Variants in PPFIA1 observed in about 807,000 individuals in gnomAD.
PPFIA1 encodes PPFI scaffold protein A1, also known as liprin-alpha-1.
Under a neutral mutation model 149.9 loss-of-function variants are expected in PPFIA1, and 25 were observed. That is an observed-to-expected ratio of 0.17 (90% CI 0.12 to 0.23). The LOEUF (loss-of-function observed/expected upper bound fraction) is 0.23. Ranked by LOEUF, PPFIA1 falls within the 10% of genes least tolerant of loss-of-function variation. The probability of loss-of-function intolerance (pLI) is 1.00; values close to 1 mark genes in which losing one functional copy is unlikely to be tolerated. For synonymous variants in PPFIA1, 549 were observed against 552.8 expected (o/e 0.99, Z 0.10); for missense variants, 1,362 against 1,506.5 (o/e 0.90, Z 1.59).
At chr11:70,275,572 A>G (rs1297324157) in intron 2 of PPFIA1, among the ~76,000 whole-genome samples, 2 of 152,020 alleles carry the variant, frequency 1.3e-5, no homozygotes, top group Non-Finnish European at 2.9e-5. Flanking sequence ...TCTGAAATTG[A>G]CTTTGTTTAT....
At position 70,355,692 on chromosome 11, in the gene PPFIA1, G is replaced by T; in HGVS notation, c.2369G>T (p.Ser790Ile). ...AGCAACCCCAGCAGTAGCAACAGTA[G>T]CCAGGACTCGCTCCACAAAGCCCCA... The part of the protein sequence containing the change: ...PVSNPSSSNS[S>I]QDSLHKAPKK... Residue 790 changes from serine to isoleucine, a missense_variant, in exon 18 of 28, where the codon AGC becomes ATC. This residue lies in a region of PPFIA1 where 733 missense variants were observed against 744.1 expected (regional missense o/e 0.99). Coordinates refer to ENST00000253925, the MANE Select transcript of PPFIA1 (RefSeq NM_003626.5). The T allele has an allele frequency of 6.2e-7, 1 of 1,614,058 alleles. No homozygotes were observed. Among genetic ancestry groups the T allele is most frequent in the Non-Finnish European group, 8.5e-7 (1 of 1,179,988 alleles).
At chr11:70,344,327 G>A (rs945855985) in intron 15 of PPFIA1, among the ~76,000 whole-genome samples, 2 of 152,192 alleles carry the variant, frequency 1.3e-5, no homozygotes, top group Admixed American at 1.3e-4. Flanking sequence ...TGGTGGGCTG[G>A]GAAGAGATGA....
chr11:70,350,337 C>T (rs938020392), intron 16 of PPFIA1, among the ~76,000 whole-genome samples: 1 of 143,880 alleles, frequency 7.0e-6, no homozygotes, highest in African/African-American at 2.5e-5. Flanking sequence ...TGATTGTGTT[C>T]AAGACTGTAA....
At chr11:70,308,794 A>C (rs529196243) in intron 2 of PPFIA1, among the ~76,000 whole-genome samples, 1 of 152,168 alleles carries the variant, frequency 6.6e-6, no homozygotes, top group African/African-American at 2.4e-5. Flanking sequence ...AAAAAACCCA[A>C]CTTGAACATT....
At position 70,326,701 on chromosome 11, in the gene PPFIA1, A is replaced by C. The variant is rs2054311216; in HGVS notation, c.813A>C (p.Glu271Asp). ...CAAGGGAACAGAGCCAAATGAAAGA[A>C]CGCCTGGCTTCCCTTTCCAGTCATG... is the stretch of plus-strand genomic sequence containing the variant. ...KQSREQSQMKERLASLSSHVT... is the reference protein window; with the variant it reads ...KQSREQSQMKDRLASLSSHVT... Residue 271 changes from glutamate (E) to aspartate (D), a missense_variant, in exon 7 of 28, where the codon GAA becomes GAC. This residue lies in a region of PPFIA1 where 733 missense variants were observed against 744.1 expected (regional missense o/e 0.99). Coordinates refer to ENST00000253925, the MANE Select transcript of PPFIA1 (RefSeq NM_003626.5). 1 of 1,614,148 alleles carries C rather than the reference A, an allele frequency of 6.2e-7. No homozygotes were observed. Among genetic ancestry groups the C allele is most frequent in the Non-Finnish European group, 8.5e-7 (1 of 1,179,972 alleles).
intron 21 of PPFIA1, among the ~76,000 whole-genome samples, chr11:70,370,452 T>A (rs1282716024): frequency 6.6e-6 from 1 of 151,818 alleles, no homozygotes; most frequent in East Asian, 2.0e-4. Context: ...AGTGGCATGA[T>A]CTTGGCTCAC....
intron 6 of PPFIA1, 56 bp downstream of exon 6, chr11:70,326,419 G>A (rs2054291343): frequency 6.8e-7 from 1 of 1,469,362 alleles, no homozygotes; most frequent in African/African-American, 1.4e-5. Context: ...CACAGTATGT[G>A]TCGGGTTATG....
chr11:70,364,500 C>G (rs1412554589), intron 21 of PPFIA1: 1 of 152,202 alleles, frequency 6.6e-6, no homozygotes, highest in Non-Finnish European at 1.5e-5. Flanking sequence ...ACACATTTCT[C>G]CAAGGAGCAC....
At chr11:70,290,004 G>A (rs1385582370) in intron 2 of PPFIA1, among the ~76,000 whole-genome samples, 3 of 152,168 alleles carry the variant, frequency 2.0e-5, no homozygotes, top group Non-Finnish European at 2.9e-5. Flanking sequence ...TGAGGCAGGT[G>A]CATCACTTGA....
intron 9 of PPFIA1, chr11:70,332,992 T>A (rs981823619): frequency 4.4e-5 from 20 of 454,330 alleles, no homozygotes; most frequent in Non-Finnish European, 7.5e-5. Context: ...TCTCCCCTGT[T>A]ATCTTTCCTG....
chr11:70,368,060 C>T (rs138487244), intron 21 of PPFIA1, among the ~76,000 whole-genome samples: 1 of 152,108 alleles, frequency 6.6e-6, no homozygotes, highest in East Asian at 1.9e-4. Context: ...ATCGCTTGAG[C>T]CCGGAAAGTG....
intron 2 of PPFIA1, among the ~76,000 whole-genome samples, chr11:70,312,171 TA>T (rs2053327531): frequency 1.3e-5 from 2 of 151,860 alleles, no homozygotes; most frequent in African/African-American, 2.4e-5. Context: ...TGTCTTTTTT[TA>T]TTTGTTTTGA....
At chr11:70,330,377 C>A in intron 8 of PPFIA1, 58 bp downstream of exon 8, 5 of 1,398,776 alleles carry the variant, frequency 3.6e-6, no homozygotes, top group South Asian at 2.9e-5. Context: ...AAGTTAAAGA[C>A]CCTTTTTCTC....
intron 16 of PPFIA1, among the ~76,000 whole-genome samples, chr11:70,348,853 AGAGT>A (rs1565430725): frequency 6.6e-6 from 1 of 152,198 alleles, no homozygotes; most frequent in Non-Finnish European, 1.5e-5. Context: ...CCTGGGCAGC[AGAGT>A]GAGACCCTGT....
At chr11:70,341,444 C>G (rs747843148) in intron 14 of PPFIA1, among the ~76,000 whole-genome samples, 1 of 152,088 alleles carries the variant, frequency 6.6e-6, no homozygotes, top group Non-Finnish European at 1.5e-5. Context: ...TGGGCTTGAA[C>G]AGCCGGAAGG....
intron 2 of PPFIA1, among the ~76,000 whole-genome samples, chr11:70,274,893 A>AT (rs762120369): frequency 1.3e-5 from 2 of 151,730 alleles, no homozygotes; most frequent in Non-Finnish European, 2.9e-5. Context: ...TAATTTTTGT[A>AT]TTTTTTGTAG....
At chr11:70,305,232 A>G (rs908116538) in intron 2 of PPFIA1, among the ~76,000 whole-genome samples, 15 of 152,186 alleles carry the variant, frequency 9.9e-5, no homozygotes, top group African/African-American at 3.6e-4. Context: ...AAAAGGGGAG[A>G]AAACATAGGT....
At chr11:70,356,038 T>TCAGAAACTTAGC in intron 18 of PPFIA1, 123 bp from the exon 19 acceptor site, 1 of 1,040,916 alleles carries the variant, frequency 9.6e-7, no homozygotes, top group Non-Finnish European at 1.5e-6. Flanking sequence ...GGTTGTCTAG[T>TCAGAAACTTAGC]CAGAAACTTA....
At chr11:70,300,220 G>A (rs921953002) in intron 2 of PPFIA1, among the ~76,000 whole-genome samples, 2 of 152,042 alleles carry the variant, frequency 1.3e-5, no homozygotes, top group Admixed American at 6.6e-5. Context: ...TCATTACCAT[G>A]CGCCCCTCAA....
Sources: allele counts gnomAD v4.1 joint callset (sites outside exome capture counted in the v4.1 genomes callset), GRCh38; gene constraint gnomAD v4.1.1; regional missense constraint gnomAD v4.1.1; transcripts MANE v1.5; gene names NCBI Gene and HGNC (gene_info 2026-07-23, HGNC 2026-07-21).